Variants in AAMP observed in about 807,000 individuals in gnomAD.
The protein encoded by AAMP is angio associated migratory cell protein, also known as angio-associated migratory cell protein.
A neutral mutation model predicts 51.1 loss-of-function variants in AAMP; 12 were observed. The observed-to-expected ratio is 0.23, with a 90% CI of 0.15 to 0.38. The LOEUF (loss-of-function observed/expected upper bound fraction) is 0.38. AAMP is among the 10% of genes least tolerant of loss of function. The pLI is 1.00. For missense variants in AAMP, 418 were observed against 557.2 expected, an observed-to-expected ratio of 0.75 and a Z score of 2.52; for synonymous variants, 210 against 218.7, an observed-to-expected ratio of 0.96 and a Z score of 0.35.
chr2:218,266,820 A>T lies in AAMP; in HGVS notation c.534+27T>A. 6.2e-7 allele frequency: 1 copy of T among 1,613,142 alleles called. No homozygotes were observed. Among genetic ancestry groups the T allele is most frequent in the Non-Finnish European group, 8.5e-7 (1 of 1,179,754 alleles). On this transcript the variant is annotated intron_variant, in intron 4 of 10. Coordinates refer to ENST00000248450, the MANE Select transcript of AAMP (RefSeq NM_001087.5). This position sits in a 1 kb window ranked among gnomAD's most constrained non-coding sequence, Gnocchi z 4.7. ...CCCCCAACAACCCAAGGCCCCACAG[A>T]GCTGACTCCCGCTCTGATGATCTTA...
chr2:218,265,501 G>T lies in AAMP; in HGVS notation c.984-40C>A. The T allele has an allele frequency of 6.4e-7, 1 of 1,572,266 alleles. No individual in the cohort carries two copies. The highest frequency in any genetic ancestry group is 1.1e-5 in the South Asian group (1 of 89,316). ...GTACCATGAAGACTCATGAGGGCCTGGACTCACACGCCCTGCCGTCCTCCC... is the reference window on the plus strand; with the variant it reads ...GTACCATGAAGACTCATGAGGGCCTTGACTCACACGCCCTGCCGTCCTCCC... On this transcript the variant is annotated intron_variant, in intron 8 of 10. Coordinates refer to ENST00000248450, the MANE Select transcript of AAMP (RefSeq NM_001087.5). The surrounding 1 kb of genome is among the most constrained non-coding windows in gnomAD (Gnocchi z 6.6).
rs200453503 is a variant in AAMP, at chr2:218,269,505, C to A, written c.151G>T (p.Asp51Tyr). The change falls in exon 2 of 11, where the codon GAC (aspartate) becomes TAC (tyrosine). Residue 51 changes from aspartate to tyrosine, a missense_variant. Transcript: ENST00000248450. ...DDLAQEMEDV[D>Y]FEEEEEEEGN... is the part of the protein sequence containing the mutation. The stretch of plus-strand genomic sequence containing the variant: ...TCTTCCTCCTCTTCTTCCTCAAAGT[C>A]CACATCTTCCATCTCCTGGGCCAGG... The A allele has an allele frequency of 2.5e-5, 40 of 1,614,116 alleles. No individual in the cohort carries two copies. The highest frequency in any genetic ancestry group is 3.3e-5 in the Non-Finnish European group (39 of 1,180,056).
chr2:218,269,669 G>A lies in AAMP; in HGVS notation c.122-135C>T, dbSNP rs1690738598. 2.8e-6 allele frequency: 4 copies of A among 1,445,016 alleles called. No individual in the cohort carries two copies. In the East Asian group the frequency reaches 9.4e-5, roughly 34 times the overall value. The allele number at this position is 1,445,016 out of a possible 1,614,324, so 89.5% of individuals were successfully genotyped here. ...TGGAGTCAGACACACCGGGGTCCGC[G>A]GGGGCGCGCGGGACACAGGACGGGA... On this transcript the variant is annotated intron_variant, in intron 1 of 10. Coordinates refer to ENST00000248450, the MANE Select transcript of AAMP (RefSeq NM_001087.5).
In AAMP at chr2:218,267,006, G is replaced by A. The variant is rs756950864; in HGVS notation, c.395-20C>T. On this transcript the variant is annotated intron_variant, in intron 3 of 10. Transcript: ENST00000248450. The surrounding 1 kb of genome is among the most constrained non-coding windows in gnomAD (Gnocchi z 4.6). ...TATGGCCTTCAAAGAAAAGTGGGCAGAAAACAGAGGAAAAAAATAGGGTAC... is the reference window on the plus strand; with the variant it reads ...TATGGCCTTCAAAGAAAAGTGGGCAAAAAACAGAGGAAAAAAATAGGGTAC... 1.2e-6 allele frequency: 2 copies of A among 1,610,006 alleles called. No homozygotes were observed. The highest frequency in any genetic ancestry group is 2.2e-5 in the South Asian group (2 of 91,020).
At chr2:218,269,570 G>A in intron 1 of AAMP, 36 bp from the exon 2 acceptor site, 3 of 1,613,980 alleles carry the variant, frequency 1.9e-6, no homozygotes, top group Non-Finnish European at 2.5e-6. Context: ...TGGGGCTCGG[G>A]AGGCGGTAAG....
At position 218,265,949 on chromosome 2, in the gene AAMP, A is replaced by C; in HGVS notation, c.764-3T>G. The C allele has an allele frequency of 6.2e-7, 1 of 1,612,204 alleles. No homozygotes were observed. The highest frequency in any genetic ancestry group is 1.1e-5 in the South Asian group (1 of 90,996). ...TGGGCCCTGGTGACCCTCAGTCCCT[A>C]GCATAGAGCAGGGAGGCAGCTCAGG... On this transcript the variant is annotated splice_region_variant and splice_polypyrimidine_tract_variant and intron_variant, in intron 6 of 10. Coordinates refer to ENST00000248450, the MANE Select transcript of AAMP (RefSeq NM_001087.5). This position sits in a 1 kb window ranked among gnomAD's most constrained non-coding sequence, Gnocchi z 6.6.
rs1336867830 is a variant in AAMP, at chr2:218,264,565, T to C, written c.1273A>G (p.Lys425Glu). ...TCAGGCCTTTGGACACAAAATACTT[T>C]CGCTTTGTGGTCTCCTGACGTGGTC... The part of the protein sequence containing the change: ...VVTTSGDHKA[K>E]VFCVQRPDR Residue 425 changes from lysine (K) to glutamate (E), a missense_variant, in exon 11 of 11, where the codon AAA (lysine) becomes GAA (glutamate). Physicochemically the swap from Lys to Glu is moderately conservative, Grantham distance 56 (BLOSUM62 1). Coordinates refer to ENST00000248450, the MANE Select transcript of AAMP (RefSeq NM_001087.5). The C allele has an allele frequency of 1.2e-6, 2 of 1,614,154 alleles. No individual in the cohort carries two copies. The highest frequency in any genetic ancestry group is 1.7e-5 in the Admixed American group (1 of 60,018).
chr2:218,265,706 G>A lies in AAMP; in HGVS notation c.880-24C>T, dbSNP rs773632223. ...ACCTGAAAGCCAGAGAGGATCAGAG[G>A]AGGACACGGAATCCGGGTGCTTGAT... On this transcript the variant is annotated intron_variant, in intron 7 of 10. Transcript: ENST00000248450. The surrounding 1 kb of genome is among the most constrained non-coding windows in gnomAD (Gnocchi z 6.6). The A allele has an allele frequency of 8.7e-6, 14 of 1,606,680 alleles. No individual in the cohort carries two copies. The highest frequency in any genetic ancestry group is 1.2e-5 in the Non-Finnish European group (14 of 1,175,526).
Position 218,265,495 on chromosome 2 carries a change from G to C in AAMP, c.984-34C>G, listed in dbSNP as rs746150001. 2.2e-5 allele frequency: 35 copies of C among 1,574,882 alleles called. No homozygotes were observed. The highest frequency in any genetic ancestry group is 3.0e-5 in the Non-Finnish European group (35 of 1,150,452). On this transcript the variant is annotated intron_variant, in intron 8 of 10. Transcript: ENST00000248450. This position sits in a 1 kb window ranked among gnomAD's most constrained non-coding sequence, Gnocchi z 6.6. ...AGGAGCGTACCATGAAGACTCATGAGGGCCTGGACTCACACGCCCTGCCGT... is the reference window on the plus strand; with the variant it reads ...AGGAGCGTACCATGAAGACTCATGACGGCCTGGACTCACACGCCCTGCCGT...
chr2:218,266,487 T>G lies in AAMP; in HGVS notation c.635A>C (p.Gln212Pro), dbSNP rs1023811371. Residue 212 changes from glutamine (Q) to proline (P), a missense_variant, in exon 5 of 11, where the codon CAG becomes CCG. By Grantham distance (76) the Gln-to-Pro change is moderately conservative (BLOSUM62 -1). Coordinates refer to ENST00000248450, the MANE Select transcript of AAMP (RefSeq NM_001087.5). The surrounding 1 kb of genome is among the most constrained non-coding windows in gnomAD (Gnocchi z 4.7). ...ACAGGTGGCTGGGCAGTTGGGACCC[T>G]GGAAGGTCTTGCAGTCACCATTCGG... ...KVPNGDCKTF[Q>P]GPNCPATCGR... The G allele has an allele frequency of 5.0e-6, 8 of 1,614,078 alleles. No homozygotes were observed. The Admixed American group carries it at 1.0e-4, about 20-fold the overall frequency.
In AAMP at chr2:218,267,722, TC is replaced by T; in HGVS notation, c.275-110del. ...CCTTTCACCCAAAGCGTGTCTTTCC[TC>T]CTGGAAAACACAGGTACATCCAAGT... On this transcript the variant is annotated intron_variant, in intron 2 of 10. Transcript: ENST00000248450. The surrounding 1 kb of genome is among the most constrained non-coding windows in gnomAD (Gnocchi z 4.6). The T allele has an allele frequency of 1.4e-6, 2 of 1,419,150 alleles. No homozygotes were observed. The highest frequency in any genetic ancestry group is 2.8e-5 in the African/African-American group (2 of 70,350). The allele number at this position is 1,419,150 out of a possible 1,614,324, so 87.9% of individuals were successfully genotyped here.
Position 218,264,469 on chromosome 2 carries a change from G to T in AAMP, c.*64C>A. On this transcript the variant is annotated 3_prime_UTR_variant, in exon 11 of 11. Transcript: ENST00000248450. Reference sequence around the variant, plus strand: ...CCTCTGTGCCCTACTGCCTCTGCTGGCAGACAGGGGCAGGGGTCCCTTCGT... The same window carrying T: ...CCTCTGTGCCCTACTGCCTCTGCTGTCAGACAGGGGCAGGGGTCCCTTCGT... 6.6e-7 allele frequency: 1 copy of T among 1,504,496 alleles called. No homozygotes were observed. The highest frequency in any genetic ancestry group is 9.3e-7 in the Non-Finnish European group (1 of 1,080,982). 93.2% of individuals were successfully genotyped at this position (1,504,496 alleles called of 1,614,324 possible). A position where few individuals can be genotyped will look rare whatever the true frequency, so the allele number is the denominator to read the frequency against.
intron 1 of AAMP, 173 bp from the exon 2 acceptor site, chr2:218,269,707 C>A: frequency 8.4e-7 from 1 of 1,188,140 alleles, no homozygotes. Context: ...CCACGGCTGG[C>A]CAGAGACCGT....
chr2:218,268,922 C>A (rs1690708739), intron 2 of AAMP, among the ~76,000 whole-genome samples: 1 of 152,142 alleles, frequency 6.6e-6, no homozygotes, highest in South Asian at 2.1e-4. Context: ...TGGTCTGGAA[C>A]TCCCGACCTT....
Position 218,269,407 on chromosome 2 carries a change from G to A in AAMP, c.249C>T (p.Ser83=). The part of the protein sequence containing the change: ...VVGSMEGPDD[S]EVTFALHSAS... ...CTGAGTGCAATGCAAAGGTGACCTC[G>A]CTATCGTCGGGGCCCTCCATGCTGC... The change falls in exon 2 of 11, where the codon AGC becomes AGT. Residue 83 remains serine (S), a synonymous_variant. Transcript: ENST00000248450. 4 of 1,614,106 alleles carry A rather than the reference G, an allele frequency of 2.5e-6. No individual in the cohort carries two copies. Among genetic ancestry groups the A allele is most frequent in the African/African-American group, 2.7e-5 (2 of 75,032 alleles).
In AAMP at chr2:218,266,054, CCT is replaced by C. The variant is rs757379596; in HGVS notation, c.763+8_763+9del. ...AAGGCCCAGGCTAACACTTCCCCCACCTCTGATACCTTTCAGTACATGGATAG... is the reference window on the plus strand; with the variant it reads ...AAGGCCCAGGCTAACACTTCCCCCACCTGATACCTTTCAGTACATGGATAG... On this transcript the variant is annotated splice_region_variant and intron_variant, in intron 6 of 10. Coordinates refer to ENST00000248450, the MANE Select transcript of AAMP (RefSeq NM_001087.5). The surrounding 1 kb of genome is among the most constrained non-coding windows in gnomAD (Gnocchi z 4.7). The C allele has an allele frequency of 5.0e-6, 8 of 1,614,042 alleles. No homozygotes were observed. The highest frequency in any genetic ancestry group is 6.8e-6 in the Non-Finnish European group (8 of 1,179,876).
At position 218,266,321 on chromosome 2, in the gene AAMP, G is replaced by A; in HGVS notation, c.679+122C>T. ...GTGAACTTTGGGGCCCAGGAGGTCAGCACTGCAAACAGCAGGCCTCAGATT... is the reference window on the plus strand; with the variant it reads ...GTGAACTTTGGGGCCCAGGAGGTCAACACTGCAAACAGCAGGCCTCAGATT... On this transcript the variant is annotated intron_variant, in intron 5 of 10. Transcript: ENST00000248450. This position sits in a 1 kb window ranked among gnomAD's most constrained non-coding sequence, Gnocchi z 4.7. 1 of 1,437,206 alleles carries A rather than the reference G, an allele frequency of 7.0e-7. No homozygotes were observed. The highest frequency in any genetic ancestry group is 9.6e-7 in the Non-Finnish European group (1 of 1,046,766). The allele number at this position is 1,437,206 out of a possible 1,614,324, so 89.0% of individuals were successfully genotyped here.
Position 218,268,328 on chromosome 2 carries a change from A to C in AAMP, c.275-715T>G, listed in dbSNP as rs532168170. On this transcript the variant is annotated intron_variant, in intron 2 of 10. Coordinates refer to ENST00000248450, the MANE Select transcript of AAMP (RefSeq NM_001087.5). ...ATATAAAATATGCTCAAAAAGATATAATTATCTCTCATTTTATTTTATTTT... is the reference window on the plus strand; with the variant it reads ...ATATAAAATATGCTCAAAAAGATATCATTATCTCTCATTTTATTTTATTTT... 6.0e-5 allele frequency among the ~76,000 whole-genome samples: 9 copies of C among 149,400 alleles called. No homozygotes were observed. In the South Asian group the frequency reaches 6.4e-4, roughly 11 times the overall value.
In AAMP at chr2:218,264,451, G is replaced by A. The variant is rs1379201767; in HGVS notation, c.*82C>T. 1.6e-5 allele frequency: 22 copies of A among 1,351,388 alleles called. No homozygotes were observed. The highest frequency in any genetic ancestry group is 2.9e-5 in the African/African-American group (2 of 69,684). 83.7% of individuals were successfully genotyped at this position (1,351,388 alleles called of 1,614,324 possible). The stretch of plus-strand genomic sequence containing the variant: ...GGCCCCACCCTCCTCTTCCCTCTGT[G>A]CCCTACTGCCTCTGCTGGCAGACAG... On this transcript the variant is annotated 3_prime_UTR_variant, in exon 11 of 11. Transcript: ENST00000248450.
Sources: allele counts gnomAD v4.1 joint callset (sites outside exome capture counted in the v4.1 genomes callset), GRCh38; gene constraint gnomAD v4.1.1; non-coding constraint Gnocchi (gnomAD v3.1); transcripts MANE v1.5; gene names NCBI Gene and HGNC (gene_info 2026-07-23, HGNC 2026-07-21).